The following KLHL3 variants were observed in gnomAD, a reference collection of about 807,000 sequenced individuals.
KLHL3 encodes the protein kelch like family member 3.
A neutral mutation model predicts 70.5 loss-of-function variants in KLHL3; 19 were observed. That is an observed-to-expected ratio of 0.27 (90% CI 0.19 to 0.40). The LOEUF (loss-of-function observed/expected upper bound fraction) is 0.40, where lower values mean the gene tolerates loss of function less well. Among genes scored for constraint, KLHL3 ranks in the 10% least tolerant of loss-of-function variants. The pLI is 1.00. For missense variants in KLHL3, 512 were observed against 771.1 expected, an observed-to-expected ratio of 0.66 and a Z score of 3.98; for synonymous variants, 258 against 290.3, an observed-to-expected ratio of 0.89 and a Z score of 1.13.
chr5:137,706,305 C>G, intron 3 of KLHL3: 6 of 985,412 alleles, frequency 6.1e-6, no homozygotes, highest in Non-Finnish European at 7.2e-6. Context: ...ACTCTCAGTA[C>G]ACAATGCATT....
At chr5:137,660,931 G>GGGCTGCTA (rs1215857302) in intron 7 of KLHL3, 12 of 153,016 alleles carry the variant, frequency 7.8e-5, no homozygotes, top group Non-Finnish European at 1.5e-4. Flanking sequence ...CTGGGCTGCT[G>GGGCTGCTA]GGCTGCTAGG....
intron 4 of KLHL3, among the ~76,000 whole-genome samples, chr5:137,693,927 C>G (rs1752384187): frequency 1.3e-5 from 2 of 151,782 alleles, no homozygotes; most frequent in South Asian, 4.2e-4. Context: ...GAGTCCTCAG[C>G]TCTGACTCTC....
chr5:137,695,464 C>T (rs1315768836), intron 4 of KLHL3, among the ~76,000 whole-genome samples: 3 of 151,986 alleles, frequency 2.0e-5, no homozygotes, highest in African/African-American at 7.3e-5. Flanking sequence ...TTGCTTCATA[C>T]AGAAAAGTGT....
At position 137,692,318 on chromosome 5, in the gene KLHL3, T is replaced by G. The variant is rs745627381; in HGVS notation, c.493A>C (p.Thr165Pro). Reference sequence around the variant, plus strand: ...GCATTGGCCTGCTGCAGAAGGTCAGTGCAGGTGTGTACATCTGCAAATGCA... The same window carrying G: ...GCATTGGCCTGCTGCAGAAGGTCAGGGCAGGTGTGTACATCTGCAAATGCA... ...IRAFADVHTC[T>P]DLLQQANAYA... is the part of the protein sequence containing the mutation. Residue 165 changes from threonine (T) to proline (P), a missense_variant, in exon 5 of 15, where the codon ACT becomes CCT. By Grantham distance (38) the Thr-to-Pro change is conservative. Coordinates refer to ENST00000309755, the MANE Select transcript of KLHL3 (RefSeq NM_017415.3). 3 of 1,613,240 alleles carry G rather than the reference T, an allele frequency of 1.9e-6. No individual in the cohort carries two copies. Among genetic ancestry groups the G allele is most frequent in the Non-Finnish European group, 2.5e-6 (3 of 1,179,946 alleles).
chr5:137,618,487 G>A lies in KLHL3; in HGVS notation c.*3611C>T, dbSNP rs1756287649. On this transcript the variant is annotated 3_prime_UTR_variant, in exon 15 of 15. Coordinates refer to ENST00000309755, the MANE Select transcript of KLHL3 (RefSeq NM_017415.3). ...ATGCTTAACACACAGGGATCATGAG[G>A]ATTGACCCCTCTTTTAAAGGTTAGA... 2.0e-5 allele frequency: 3 copies of A among 152,156 alleles called. No individual in the cohort carries two copies. In the South Asian group the frequency reaches 6.2e-4, roughly 32 times the overall value. 9.4% of individuals were successfully genotyped at this position (152,156 alleles called of 1,614,324 possible).
chr5:137,624,067 T>C (rs571013746), intron 14 of KLHL3, among the ~76,000 whole-genome samples: 12 of 152,354 alleles, frequency 7.9e-5, no homozygotes, highest in African/African-American at 2.9e-4. Context: ...CCATAAACTA[T>C]ATAAATATCC....
At chr5:137,692,818 C>CCA in intron 4 of KLHL3, 1 of 138,168 alleles carries the variant, frequency 7.2e-6, no homozygotes. Flanking sequence ...TAACAAAACT[C>CCA]TACACACACA....
rs1751390411 is a variant in KLHL3, at chr5:137,658,207, T to C, written c.827A>G (p.His276Arg). 1.2e-6 allele frequency: 2 copies of C among 1,613,348 alleles called. No individual in the cohort carries two copies. The highest frequency in any genetic ancestry group is 1.7e-5 in the Admixed American group (1 of 59,990). The change falls in exon 8 of 15, where the codon CAT (histidine) becomes CGT (arginine). Residue 276 changes from histidine (H) to arginine (R), a missense_variant. Transcript: ENST00000309755. ...TAGTCTCTGATCCAGAGGGAGGAGA[T>C]GGTATTTCATGGCCTCAATGAGGAA... Reference protein sequence around the residue: ...KDFLIEAMKYHLLPLDQRLLI... With the variant: ...KDFLIEAMKYRLLPLDQRLLI...
At chr5:137,693,000 T>C (rs1363148929) in intron 4 of KLHL3, among the ~76,000 whole-genome samples, 1 of 152,198 alleles carries the variant, frequency 6.6e-6, no homozygotes, top group African/African-American at 2.4e-5. Flanking sequence ...CCCCAGGTGC[T>C]TCTAATGTAC....
At position 137,677,562 on chromosome 5, in the gene KLHL3, C is replaced by G. The variant is rs1047707196; in HGVS notation, c.619G>C (p.Val207Leu). Residue 207 changes from valine (V) to leucine (L), a missense_variant, in exon 6 of 15, where the codon GTT becomes CTT. Coordinates refer to ENST00000309755, the MANE Select transcript of KLHL3 (RefSeq NM_017415.3). ...TGTCATACCTTCTCTTCTGAAGAAA[C>G]GGTCAGCTTGTCGCTGGATATCAAG... ...CSLISSDKLT[V>L]SSEEKVFEAV... The G allele has an allele frequency of 6.2e-7, 1 of 1,601,140 alleles. No homozygotes were observed. Among genetic ancestry groups the G allele is most frequent in the African/African-American group, 1.4e-5 (1 of 73,926 alleles).
chr5:137,731,232 C>T (rs1034833452), intron 1 of KLHL3, among the ~76,000 whole-genome samples: 2 of 152,170 alleles, frequency 1.3e-5, no homozygotes, highest in African/African-American at 4.8e-5. Flanking sequence ...GAAAACCTTA[C>T]TTTGTCAAAA....
At chr5:137,716,272 A>T (rs1752891140) in intron 2 of KLHL3, among the ~76,000 whole-genome samples, 7 of 151,444 alleles carry the variant, frequency 4.6e-5, no homozygotes, top group Admixed American at 4.6e-4. Context: ...CTGGCCTCAG[A>T]TTTCTGGGCT....
At chr5:137,667,156 A>G (rs1310403656) in intron 6 of KLHL3, among the ~76,000 whole-genome samples, 1 of 152,240 alleles carries the variant, frequency 6.6e-6, no homozygotes, top group Non-Finnish European at 1.5e-5. Flanking sequence ...CATCGTTTAC[A>G]TATTGTCTAT....
chr5:137,675,116 A>G (rs1426282459), intron 6 of KLHL3, among the ~76,000 whole-genome samples: 2 of 152,236 alleles, frequency 1.3e-5, no homozygotes, highest in South Asian at 4.1e-4. Flanking sequence ...AGCAGCACAT[A>G]ATTCTGAAGT....
intron 3 of KLHL3, among the ~76,000 whole-genome samples, chr5:137,708,908 G>A (rs1425077174): frequency 6.6e-6 from 1 of 152,228 alleles, no homozygotes; most frequent in Non-Finnish European, 1.5e-5. Flanking sequence ...TGGAAAGCAT[G>A]TAGAAGGGAC....
At chr5:137,643,358 A>C (rs1432377928) in intron 8 of KLHL3, among the ~76,000 whole-genome samples, 1 of 150,406 alleles carries the variant, frequency 6.6e-6, no homozygotes, top group Non-Finnish European at 1.5e-5. Context: ...CTGTCTCAAA[A>C]AAAAAAAAAA....
intron 5 of KLHL3, among the ~76,000 whole-genome samples, chr5:137,683,540 C>T (rs1025635945): frequency 2.2e-4 from 34 of 152,158 alleles, no homozygotes; most frequent in African/African-American, 8.0e-4. Flanking sequence ...CTCACAGTTT[C>T]TCTGCTCTAG....
At chr5:137,668,878 A>AAT (rs1179598348) in intron 6 of KLHL3, among the ~76,000 whole-genome samples, 12 of 149,942 alleles carry the variant, frequency 8.0e-5, no homozygotes, top group African/African-American at 9.7e-5. Context: ...GGCTTTTAGA[A>AAT]TGTTTTTTAG....
intron 1 of KLHL3, among the ~76,000 whole-genome samples, chr5:137,727,806 T>G (rs1753108884): frequency 6.6e-6 from 1 of 152,170 alleles, no homozygotes; most frequent in African/African-American, 2.4e-5. Flanking sequence ...TCTAATTACC[T>G]CTTACTTATC....
Sources: gnomAD v4.1 joint callset for allele counts (sites outside exome capture counted in the v4.1 genomes callset) on GRCh38, gnomAD v4.1.1 for gene constraint, MANE v1.5 for transcripts, NCBI Gene and HGNC (gene_info 2026-07-23, HGNC 2026-07-21) for gene names.